Variants in CLN6 observed in about 807,000 individuals in gnomAD.
The protein encoded by CLN6 is CLN6 transmembrane ER protein, also known as ceroid-lipofuscinosis neuronal protein 6.
CLN6 carries 22 observed loss-of-function variants against 33.3 expected under a neutral mutation model. That is an observed-to-expected ratio of 0.66 (90% CI 0.47 to 0.94). The LOEUF (loss-of-function observed/expected upper bound fraction) is 0.94, where lower values mean the gene tolerates loss of function less well. Ranked by LOEUF, CLN6 falls within the 40% of genes least tolerant of loss-of-function variation. The probability of loss-of-function intolerance (pLI) is 0.00; values close to 1 mark genes in which losing one functional copy is unlikely to be tolerated. For synonymous variants in CLN6, 201 were observed against 174.6 expected, an observed-to-expected ratio of 1.15 and a Z score of -1.19; for missense variants, 387 against 417.1, an observed-to-expected ratio of 0.93 and a Z score of 0.63.
At chr15:68,249,958 A>G (rs940855735) in intron 1 of CLN6, among the ~76,000 whole-genome samples, 2 of 152,002 alleles carry the variant, frequency 1.3e-5, no homozygotes, top group Non-Finnish European at 2.9e-5. Flanking sequence ...TTTTTAGTAG[A>G]GACGGGGTTT....
At chr15:68,250,624 CAAA>C (rs57895966) in intron 1 of CLN6, among the ~76,000 whole-genome samples, 4 of 61,634 alleles carry the variant, frequency 6.5e-5, no homozygotes, top group Admixed American at 1.7e-4. Context: ...GACTCTGTCT[CAAA>C]AAAAAAAAAA....
At chr15:68,239,468 T>C (rs892694754) in intron 1 of CLN6, among the ~76,000 whole-genome samples, 10 of 152,136 alleles carry the variant, frequency 6.6e-5, no homozygotes, top group Admixed American at 1.3e-4. Context: ...TAAAAGAAAG[T>C]TGGTGTAACT....
In CLN6 at chr15:68,234,887, G is replaced by A. The variant is rs1162959203; in HGVS notation, c.180-16237C>T. ...CAACAATTAGCTGGGCATGGTGGCA[G>A]GTGCCTGTAATCCCAGCTACTCGGG... On this transcript the variant is annotated intron_variant, in intron 1 of 6. Transcript: ENST00000538696. The surrounding 1 kb of genome is among the most constrained non-coding windows in gnomAD (Gnocchi z 4.1). Among the ~76,000 whole-genome samples, 1 of 152,096 alleles carries A rather than the reference G, an allele frequency of 6.6e-6. No individual in the cohort carries two copies. The highest frequency in any genetic ancestry group is 2.4e-5 in the African/African-American group (1 of 41,416).
At chr15:68,233,215 G>A (rs1269926531), upstream of CLN6, among the ~76,000 whole-genome samples, 1 of 147,460 alleles carries the variant, frequency 6.8e-6, no homozygotes, top group Non-Finnish European at 1.5e-5. This position sits in a 1 kb window ranked among gnomAD's most constrained non-coding sequence, Gnocchi z 4.3. Context: ...TACAGTGTTA[G>A]CATACATGCT....
chr15:68,254,595 C>T, intron 1 of CLN6: 3 of 587,184 alleles, frequency 5.1e-6, no homozygotes, highest in Non-Finnish European at 6.1e-6. Flanking sequence ...AAGCCACGCT[C>T]CCAGCGCCTA....
chr15:68,227,754 C>T lies in CLN6; in HGVS notation c.83+1748G>A, dbSNP rs1401768385. ...CCTCTTTGGGCCTCCATTTCCCCAT[C>T]TGTACATTGGAAGTGACATCTGGCA... is the stretch of plus-strand genomic sequence containing the variant. On this transcript the variant is annotated intron_variant, in intron 1 of 6. Coordinates refer to ENST00000249806, the MANE Select transcript of CLN6 (RefSeq NM_017882.3). This position sits in a 1 kb window ranked among gnomAD's most constrained non-coding sequence, Gnocchi z 4.1. Among the ~76,000 whole-genome samples the T allele has an allele frequency of 6.6e-6, 1 of 152,218 alleles. No homozygotes were observed. Among genetic ancestry groups the T allele is most frequent in the Non-Finnish European group, 1.5e-5 (1 of 68,038 alleles).
At position 68,256,475 on chromosome 15, in the gene CLN6, T is replaced by A. The variant is rs914309830; in HGVS notation, c.179+215A>T. On this transcript the variant is annotated intron_variant, in intron 1 of 6. Transcript: ENST00000538696. This position sits in a 1 kb window ranked among gnomAD's most constrained non-coding sequence, Gnocchi z 4.1. ...TTACATATGTGGCTCGCACTGTATT[T>A]CTGTTGGGCAGCACTGCTCTAGCCG... Among the ~76,000 whole-genome samples, 2 of 146,940 alleles carry A rather than the reference T, an allele frequency of 1.4e-5. No homozygotes were observed. The highest frequency in any genetic ancestry group is 4.9e-5 in the African/African-American group (2 of 40,722).
At chr15:68,218,743 G>C (rs1447590227) in intron 1 of CLN6, 93 bp from the exon 2 acceptor site, 2 of 855,266 alleles carry the variant, frequency 2.3e-6, no homozygotes, top group Non-Finnish European at 3.9e-6. Context: ...CTGGGGACTT[G>C]AGGACAGGAG....
intron 1 of CLN6, 89 bp downstream of exon 1, chr15:68,229,413 C>T: frequency 9.3e-7 from 1 of 1,078,778 alleles, no homozygotes; most frequent in Non-Finnish European, 1.3e-6. Flanking sequence ...GAGGTTCCCG[C>T]CCGGCAGCCC....
Position 68,208,097 on chromosome 15 carries a change from C to CCCCCCCCCCCCCCCCA in CLN6, c.*42_*43insTGGGGGGGGGGGGGGG. ...CTGTATTCAGATGCCCTCCATGGCC[C>CCCCCCCCCCCCCCCCA]ACCCTCCCACCCAGCAGAGCGCCAG... On this transcript the variant is annotated 3_prime_UTR_variant, in exon 7 of 7. Transcript: ENST00000249806. The surrounding 1 kb of genome is among the most constrained non-coding windows in gnomAD (Gnocchi z 5.8). 1 of 1,320,504 alleles carries CCCCCCCCCCCCCCCCA rather than the reference C, an allele frequency of 7.6e-7. No homozygotes were observed. The highest frequency in any genetic ancestry group is 1.1e-6 in the Non-Finnish European group (1 of 940,832). The allele number at this position is 1,320,504 out of a possible 1,614,324, so 81.8% of individuals were successfully genotyped here. A position where few individuals can be genotyped will look rare whatever the true frequency, so the allele number is the denominator to read the frequency against.
chr15:68,235,033 GA>G (rs748721089), intron 1 of CLN6, among the ~76,000 whole-genome samples: 1 of 151,826 alleles, frequency 6.6e-6, no homozygotes, highest in Non-Finnish European at 1.5e-5. Context: ...AACAAAAAAA[GA>G]ATAAAACAAA....
Position 68,212,059 on chromosome 15 carries a change from T to C in CLN6, c.298-196A>G, listed in dbSNP as rs61281446. 0.03 allele frequency: 18,240 copies of C among 611,788 alleles called. 1,326 individuals are homozygous for C. Among genetic ancestry groups the C allele is most frequent in the African/African-American group, 0.21 (11,420 of 54,090 alleles). The allele number at this position is 611,788 out of a possible 1,614,324, so 37.9% of individuals were successfully genotyped here. A position where few individuals can be genotyped will look rare whatever the true frequency, so the allele number is the denominator to read the frequency against. On this transcript the variant is annotated intron_variant, in intron 3 of 6. Transcript: ENST00000249806. The stretch of plus-strand genomic sequence containing the variant: ...ACCCCTATGAACCCCGGAGGGAATG[T>C]GGAGCAGCACCCCCCGCTGACTTTA...
Position 68,208,236 on chromosome 15 carries a change from C to T in CLN6, c.840G>A (p.Leu280=), listed in dbSNP as rs148949069. Residue 280 remains leucine (L), a synonymous_variant, in exon 7 of 7, where the codon CTG becomes CTA. Transcript: ENST00000249806. This position sits in a 1 kb window ranked among gnomAD's most constrained non-coding sequence, Gnocchi z 5.8. ...TCTTCCTGAGAACAGGGTCATTCCA[C>T]AGCCAGGCGACCCAGAGCGCCACAA... ...LLLVALWVAW[L]WNDPVLRKKY... is the part of the protein sequence containing the mutation. 537 of 1,614,086 alleles carry T rather than the reference C, an allele frequency of 3.3e-4. 2 individuals are homozygous for T. In the African/African-American group the frequency reaches 6.2e-3, roughly 19 times the overall value.
intron 1 of CLN6, among the ~76,000 whole-genome samples, chr15:68,224,561 G>T (rs1041631619): frequency 6.8e-6 from 1 of 146,630 alleles, no homozygotes; most frequent in East Asian, 2.0e-4. Context: ...GGCAGAGGTT[G>T]CAGTGAGCTG....
Position 68,256,836 on chromosome 15 carries a change from C to A in CLN6, c.33G>T (p.Ala11=), listed in dbSNP as rs1202534179. 6 of 699,034 alleles carry A rather than the reference C, an allele frequency of 8.6e-6. No individual in the cohort carries two copies. In the South Asian group the frequency reaches 8.9e-5, roughly 10 times the overall value. The allele number at this position is 699,034 out of a possible 1,614,324, so 43.3% of individuals were successfully genotyped here. ...GTGTCTCTGGCCGGGGCCTGCCTCT[C>A]GCTCGCCGCTCCTTCCCGGCAACGG... The change falls in exon 1 of 7, where the codon GCG becomes GCT. Residue 11 remains alanine, a synonymous_variant. Coordinates refer to the CLN6 transcript ENST00000538696. This position sits in a 1 kb window ranked among gnomAD's most constrained non-coding sequence, Gnocchi z 4.1.
upstream of CLN6, chr15:68,257,177 C>A (rs111242038): frequency 9.0e-4 from 258 of 286,494 alleles, 4 homozygotes; most frequent in African/African-American, 5.2e-3. Context: ...ACGCACGCGC[C>A]CGGCGTCGCT....
chr15:68,243,370 T>C (rs911739900), intron 1 of CLN6, among the ~76,000 whole-genome samples: 1 of 152,204 alleles, frequency 6.6e-6, no homozygotes, highest in African/African-American at 2.4e-5. Context: ...TGCTGTTTGA[T>C]GGAAAATTGT....
intron 1 of CLN6, chr15:68,248,561 G>A (rs535743175): frequency 2.6e-5 from 4 of 152,050 alleles, no homozygotes; most frequent in African/African-American, 9.7e-5. Context: ...GCTGAGGCAG[G>A]AGAATGGCAT....
chr15:68,227,005 G>A lies in CLN6; in HGVS notation c.83+2497C>T, dbSNP rs747412507. ...AAGCCTTTGCTATTTGATTTATCAC[G>A]GGCACTAATTATAATACTTTCTTTT... On this transcript the variant is annotated intron_variant, in intron 1 of 6. Transcript: ENST00000249806. This position sits in a 1 kb window ranked among gnomAD's most constrained non-coding sequence, Gnocchi z 4.1. Among the ~76,000 whole-genome samples the A allele has an allele frequency of 6.6e-5, 10 of 151,768 alleles. No homozygotes were observed. Among genetic ancestry groups the A allele is most frequent in the South Asian group, 2.1e-4 (1 of 4,794 alleles).
Sources: gnomAD v4.1 joint callset for allele counts (sites outside exome capture counted in the v4.1 genomes callset) on GRCh38, gnomAD v4.1.1 for gene constraint, Gnocchi (gnomAD v3.1) non-coding constraint, MANE v1.5 for transcripts, NCBI Gene and HGNC (gene_info 2026-07-23, HGNC 2026-07-21) for gene names.